PCDH11X: variants seen among roughly 807,000 people sequenced by gnomAD.
PCDH11X encodes protocadherin 11 X-linked, also known as protocadherin-11 X-linked.
In PCDH11X, 18 loss-of-function variants were observed where a neutral mutation model predicts 53.3. The observed-to-expected ratio is 0.34, with a 90% CI of 0.23 to 0.50. The LOEUF (loss-of-function observed/expected upper bound fraction) is 0.50, where lower values mean the gene tolerates loss of function less well. Ranked by LOEUF, PCDH11X falls within the 20% of genes least tolerant of loss-of-function variation. The pLI, the probability that PCDH11X is intolerant of heterozygous loss-of-function variation, is 0.98. For missense variants in PCDH11X, 570 were observed against 1,032.4 expected, an observed-to-expected ratio of 0.55 and a Z score of 6.14; for synonymous variants, 279 against 393.3, an observed-to-expected ratio of 0.71 and a Z score of 3.44.
chrX:92,209,071 CA>C (rs2066533079), intron 7 of PCDH11X, among the ~76,000 whole-genome samples: 2 of 111,410 alleles, frequency 1.8e-5, no homozygotes, highest in South Asian at 7.7e-4. Context: ...GTCCCTCCCA[CA>C]ACACTGGGGA....
chrX:92,008,653 T>TAC (rs2062641080), intron 6 of PCDH11X, among the ~76,000 whole-genome samples: 1 of 109,204 alleles, frequency 9.2e-6, no homozygotes, highest in Non-Finnish European at 1.9e-5. Context: ...CCTGTATAGA[T>TAC]AGTTGTTAAC....
chrX:92,510,207 G>A, intron 10 of PCDH11X, among the ~76,000 whole-genome samples: 1 of 105,646 alleles, frequency 9.5e-6, no homozygotes, highest in African/African-American at 3.4e-5. Flanking sequence ...GTAACTAACA[G>A]GGATCATTAC....
At chrX:92,412,696 G>GT (rs1212853854) in intron 9 of PCDH11X, among the ~76,000 whole-genome samples, 1 of 103,616 alleles carries the variant, frequency 9.7e-6, no homozygotes, top group African/African-American at 3.5e-5. Context: ...TTAAAGATTT[G>GT]TTTGTTGGAA....
chrX:91,917,568 GCAA>G (rs1414631759), intron 6 of PCDH11X, among the ~76,000 whole-genome samples: 1 of 2,671 alleles, frequency 3.7e-4, no homozygotes, highest in Non-Finnish European at 6.3e-4. Flanking sequence ...TACAGCAGCT[GCAA>G]AAAAAAAAAA....
chrX:92,528,377 C>T (rs965770548), intron 10 of PCDH11X, among the ~76,000 whole-genome samples: 2 of 101,180 alleles, frequency 2.0e-5, no homozygotes, highest in Non-Finnish European at 4.0e-5. Context: ...ACCGCAACCT[C>T]CGCCTCCAGG....
chrX:92,177,870 T>C (rs1242311848), intron 6 of PCDH11X, among the ~76,000 whole-genome samples: 1 of 110,874 alleles, frequency 9.0e-6, no homozygotes, highest in Non-Finnish European at 1.9e-5. Flanking sequence ...AATTATATTA[T>C]ATATACATAT....
chrX:91,967,197 G>A (rs1225551694), intron 6 of PCDH11X, among the ~76,000 whole-genome samples: 2 of 110,100 alleles, frequency 1.8e-5, no homozygotes, highest in Non-Finnish European at 3.8e-5. Flanking sequence ...TTTTTTGTCT[G>A]TTACCAGTGT....
intron 5 of PCDH11X, chrX:91,876,538 AAAAGT>A (rs1401686578): frequency 2.6e-6 from 1 of 382,602 alleles, no homozygotes; most frequent in African/African-American, 2.8e-5. Flanking sequence ...AAATATCAAG[AAAAGT>A]AAAGTAACTT....
chrX:92,221,088 T>C (rs1417284673), intron 7 of PCDH11X, among the ~76,000 whole-genome samples: 1 of 90,693 alleles, frequency 1.1e-5, no homozygotes, highest in Non-Finnish European at 2.2e-5. Flanking sequence ...TTAGGAGATA[T>C]ACCTAATGCT....
At chrX:92,613,604 G>A (rs1175489706) in intron 10 of PCDH11X, among the ~76,000 whole-genome samples, 6 of 105,682 alleles carry the variant, frequency 5.7e-5, no homozygotes, top group Admixed American at 4.2e-4. Flanking sequence ...ACAGTCTTGT[G>A]ACCATATGCT....
At chrX:92,342,594 A>C (rs1252809695) in intron 8 of PCDH11X, among the ~76,000 whole-genome samples, 1 of 112,063 alleles carries the variant, frequency 8.9e-6, no homozygotes, top group African/African-American at 3.2e-5. Flanking sequence ...AAGTGAACAA[A>C]TACAGAAACA....
chrX:92,404,300 G>A (rs988093083), intron 9 of PCDH11X, among the ~76,000 whole-genome samples: 3 of 105,711 alleles, frequency 2.8e-5, no homozygotes, highest in Non-Finnish European at 3.8e-5. Flanking sequence ...AAATAGAAAT[G>A]CATACTTTGG....
intron 10 of PCDH11X, among the ~76,000 whole-genome samples, chrX:92,517,704 C>CTAAAG (rs2074293842): frequency 9.1e-6 from 1 of 110,076 alleles, no homozygotes. Context: ...AATTTATTTT[C>CTAAAG]TAAAGTATTC....
chrX:92,613,548 TG>T lies in PCDH11X; in HGVS notation c.3368-4715del, dbSNP rs1412893237. Among the ~76,000 whole-genome samples the T allele has an allele frequency of 5.2e-3, 268 of 51,650 alleles. 2 individuals carry two copies. The highest frequency in any genetic ancestry group is 0.044 in the African/African-American group (249 of 5,630). 44.9% of individuals were successfully genotyped at this position (51,650 alleles called of 115,157 possible). A position where few individuals can be genotyped will look rare whatever the true frequency, so the allele number is the denominator to read the frequency against. On this transcript the variant is annotated intron_variant, in intron 10 of 10. Transcript: ENST00000682573. The stretch of plus-strand genomic sequence containing the variant: ...AGTTTTTTTGTTGTTGTTGTTGTTG[TG>T]TGTGTGTGTGTGTGTGTGTGTGTGT...
intron 4 of PCDH11X, among the ~76,000 whole-genome samples, chrX:91,824,806 TTATC>T: frequency 9.2e-6 from 1 of 108,745 alleles, no homozygotes; most frequent in Non-Finnish European, 1.9e-5. Context: ...CTTTGTGGTT[TTATC>T]TACTTTTGGT....
rs371619604 is a variant in PCDH11X at position 91,787,633 on chromosome X, G to A, written c.-379+7949G>A. Among the ~76,000 whole-genome samples the A allele has an allele frequency of 3.6e-5, 4 of 111,382 alleles. No homozygotes were observed. In the East Asian group the frequency reaches 8.5e-4, roughly 24 times the overall value. ...AAAATCCTGTGATATTTTACAAAAAGCAGTAGACGTCTAGGACATTCTTTC... is the reference window on the plus strand; with the variant it reads ...AAAATCCTGTGATATTTTACAAAAAACAGTAGACGTCTAGGACATTCTTTC... On this transcript the variant is annotated intron_variant, in intron 1 of 10. Transcript: ENST00000682573.
At chrX:92,505,439 C>T (rs182704645) in intron 10 of PCDH11X, among the ~76,000 whole-genome samples, 4 of 110,370 alleles carry the variant, frequency 3.6e-5, no homozygotes, top group African/African-American at 1.3e-4. Flanking sequence ...TATCTCAACA[C>T]CTTCTATTGA....
intron 6 of PCDH11X, among the ~76,000 whole-genome samples, chrX:92,055,809 G>T (rs1451974470): frequency 9.0e-6 from 1 of 110,686 alleles, no homozygotes; most frequent in Non-Finnish European, 1.9e-5. Context: ...TGCAGTATTT[G>T]GTTTTCTGTT....
chrX:92,179,394 C>T (rs1410858813), intron 6 of PCDH11X, among the ~76,000 whole-genome samples: 1 of 111,559 alleles, frequency 9.0e-6, no homozygotes, highest in African/African-American at 3.3e-5. Context: ...TTTTATATAT[C>T]CATCACTAAG....
Sources: allele counts gnomAD v4.1 joint callset (sites outside exome capture counted in the v4.1 genomes callset), GRCh38; gene constraint gnomAD v4.1.1; transcripts MANE v1.5; gene names NCBI Gene and HGNC (gene_info 2026-07-23, HGNC 2026-07-21).